The following ATP9A variants were observed in gnomAD, a reference collection of about 807,000 sequenced individuals.
The protein encoded by ATP9A is probable phospholipid-transporting ATPase IIA.
A neutral mutation model predicts 144.1 loss-of-function variants in ATP9A; 52 were observed. The ratio of observed to expected loss-of-function variants is 0.36; its 90% CI spans 0.29 to 0.45. ATP9A has a LOEUF of 0.45. Ranked by LOEUF, ATP9A falls within the 20% of genes least tolerant of loss-of-function variation. The pLI, the probability that ATP9A is intolerant of heterozygous loss-of-function variation, is 1.00. For missense variants in ATP9A, 947 were observed against 1,392.7 expected, an observed-to-expected ratio of 0.68 and a Z score of 5.09; for synonymous variants, 582 against 557.4, an observed-to-expected ratio of 1.04 and a Z score of -0.62.
rs1568797025 is a variant in ATP9A at position 51,638,074 on chromosome 20, TATATATATATATATATA to T, written c.1668+1252_1668+1268del. 7.9e-4 allele frequency among the ~76,000 whole-genome samples: 8 copies of T among 10,170 alleles called. 1 individual carries two copies. The highest frequency in any genetic ancestry group is 2.6e-3 in the African/African-American group (8 of 3,098). 6.7% of individuals were successfully genotyped at this position (10,170 alleles called of 152,430 possible). A position where few individuals can be genotyped will look rare whatever the true frequency, so the allele number is the denominator to read the frequency against. On this transcript the variant is annotated intron_variant, in intron 15 of 27. Transcript: ENST00000338821. ...GGCTAAGTAGCATTTCATCATTTTA[TATATATATATATATATA>T]TATATATATATATATATATATATAT...
intron 8 of ATP9A, among the ~76,000 whole-genome samples, chr20:51,690,069 G>A (rs182989554): frequency 1.8e-3 from 228 of 130,150 alleles, no homozygotes; most frequent in African/African-American, 6.4e-3. Flanking sequence ...CCGAGATCGC[G>A]CCACTGCACT....
chr20:51,763,211 TGGA>T (rs1235551662), intron 1 of ATP9A, among the ~76,000 whole-genome samples: 1 of 151,282 alleles, frequency 6.6e-6, no homozygotes. Context: ...GCAGATGGGC[TGGA>T]GGAGACTTTC....
In ATP9A at chr20:51,619,025, C is replaced by A; in HGVS notation, c.2134G>T (p.Ala712Ser). 1 of 1,614,096 alleles carries A rather than the reference C, an allele frequency of 6.2e-7. No homozygotes were observed. The highest frequency in any genetic ancestry group is 1.7e-4 in the Middle Eastern group (1 of 6,060). Residue 712 changes from alanine (A) to serine (S), a missense_variant, in exon 20 of 28, where the codon GCT becomes TCT. Around this residue, in one of 2 missense-constraint regions of ATP9A, gnomAD observed 770 missense variants for 1,047.9 expected, o/e 0.73. Coordinates refer to ENST00000338821, the MANE Select transcript of ATP9A (RefSeq NM_006045.3). ...VFRLVTNRGE[A>S]HLELNAFRRK... ...CGGAAGGCGTTCAGCTCGAGGTGAGCCTCCCCGCGGTTGGTCACCTGGAAG... is the reference window on the plus strand; with the variant it reads ...CGGAAGGCGTTCAGCTCGAGGTGAGACTCCCCGCGGTTGGTCACCTGGAAG...
intron 13 of ATP9A, among the ~76,000 whole-genome samples, chr20:51,663,667 G>A (rs1442633708): frequency 6.6e-6 from 1 of 151,816 alleles, no homozygotes; most frequent in South Asian, 2.1e-4. Flanking sequence ...GGTGGTAGGC[G>A]CCTGTAATCC....
intron 1 of ATP9A, among the ~76,000 whole-genome samples, chr20:51,765,719 G>T (rs2077901079): frequency 6.6e-6 from 1 of 150,832 alleles, no homozygotes; most frequent in Non-Finnish European, 1.5e-5. Context: ...ACTTTCGGAG[G>T]CCAAGGCAGG....
intron 21 of ATP9A, 104 bp downstream of exon 21, chr20:51,618,551 AGGGGCCT>A (rs934057910): frequency 5.6e-6 from 8 of 1,432,592 alleles, no homozygotes; most frequent in Non-Finnish European, 7.4e-6. Context: ...ACCTGAACAA[AGGGGCCT>A]GGGGAATTTG....
Position 51,618,708 on chromosome 20 carries a change from G to T in ATP9A, c.2304C>A (p.Ile768=), listed in dbSNP as rs561727121. The T allele has an allele frequency of 6.2e-7, 1 of 1,613,556 alleles. No homozygotes were observed. The highest frequency in any genetic ancestry group is 8.5e-7 in the Non-Finnish European group (1 of 1,179,888). Residue 768 remains isoleucine (I), a synonymous_variant, in exon 21 of 28, where the codon ATC becomes ATA. Transcript: ENST00000338821. ...CCGTGCGCTCCTGAAGCAGGCGCAC[G>T]ATCTGGGCCTTCTGGGTGGGGGCAC... ...CRCAPTQKAQ[I]VRLLQERTGK...
chr20:51,622,309 A>T (rs1200544712), intron 18 of ATP9A, 137 bp from the exon 19 acceptor site: 1 of 676,856 alleles, frequency 1.5e-6, no homozygotes, highest in Non-Finnish European at 2.6e-6. Context: ...TGCTGTCCCC[A>T]ACACAACACA....
intron 1 of ATP9A, among the ~76,000 whole-genome samples, chr20:51,748,925 A>AGATG (rs2077819507): frequency 5.8e-5 from 8 of 137,402 alleles, no homozygotes; most frequent in Non-Finnish European, 1.2e-4. Context: ...ATAGATAGAT[A>AGATG]GATAGATAGA....
At position 51,725,286 on chromosome 20, in the gene ATP9A, C is replaced by T. The variant is rs529403211; in HGVS notation, c.327+533G>A. Among the ~76,000 whole-genome samples, 5 of 152,168 alleles carry T rather than the reference C, an allele frequency of 3.3e-5. No homozygotes were observed. In the South Asian group the frequency reaches 1.0e-3, roughly 32 times the overall value. ...TACAGGCACGTCCCACCACACCCCA[C>T]TAATTTTTATATTTTTAGTAGAGAT... On this transcript the variant is annotated intron_variant, in intron 3 of 27. Transcript: ENST00000338821.
At chr20:51,688,355 G>A (rs553992507) in intron 9 of ATP9A, among the ~76,000 whole-genome samples, 4 of 152,300 alleles carry the variant, frequency 2.6e-5, no homozygotes, top group African/African-American at 9.6e-5. Context: ...CACTTAGGGA[G>A]GCTGAGGTGG....
intron 22 of ATP9A, among the ~76,000 whole-genome samples, chr20:51,615,172 C>CT (rs1362247302): frequency 6.6e-6 from 1 of 152,032 alleles, no homozygotes; most frequent in Non-Finnish European, 1.5e-5. Flanking sequence ...AGAGATCCAG[C>CT]TGAAATATTT....
intron 13 of ATP9A, among the ~76,000 whole-genome samples, chr20:51,661,526 CTTTTTT>C (rs533280164): frequency 0.44 from 47,709 of 108,766 alleles, 10,200 homozygotes; most frequent in East Asian, 0.78. Context: ...CCATGCCCAG[CTTTTTT>C]TTTTTTTTTT....
At chr20:51,663,227 T>C (rs2077418295) in intron 13 of ATP9A, among the ~76,000 whole-genome samples, 1 of 152,104 alleles carries the variant, frequency 6.6e-6, no homozygotes, top group Admixed American at 6.6e-5. Flanking sequence ...TGGGTTCTCA[T>C]TGAAAAGAAA....
At chr20:51,741,340 G>C (rs2077784542) in intron 1 of ATP9A, among the ~76,000 whole-genome samples, 1 of 152,182 alleles carries the variant, frequency 6.6e-6, no homozygotes, top group Non-Finnish European at 1.5e-5. Context: ...CAGTACTTTG[G>C]GAGGCCGAGG....
rs775691468 is a variant in ATP9A, at chr20:51,657,039, C to T, written c.1405G>A (p.Val469Met). 2 of 1,614,200 alleles carry T rather than the reference C, an allele frequency of 1.2e-6. No individual in the cohort carries two copies. Among genetic ancestry groups the T allele is most frequent in the Non-Finnish European group, 1.7e-6 (2 of 1,180,040 alleles). Residue 469 changes from valine (V) to methionine (M), a missense_variant, in exon 14 of 28, where the codon GTG becomes ATG. Transcript: ENST00000338821. ...AVKAIALCHN[V>M]TPVYESNGVT... ...CCGTTGGACTCATACACGGGAGTCA[C>T]GTTGTGGCAGAGCGCGATGGCCTTC...
At chr20:51,683,604 T>C (rs2122805647) in intron 9 of ATP9A, among the ~76,000 whole-genome samples, 1 of 152,184 alleles carries the variant, frequency 6.6e-6, no homozygotes, top group Non-Finnish European at 1.5e-5. Context: ...TTTGTAGAGA[T>C]GGGTTTTCAC....
intron 4 of ATP9A, among the ~76,000 whole-genome samples, chr20:51,700,461 G>GAGA (rs2122832755): frequency 6.6e-6 from 1 of 152,298 alleles, no homozygotes; most frequent in African/African-American, 2.4e-5. Flanking sequence ...GACCAAGGCT[G>GAGA]CTGTGAGCTG....
chr20:51,648,285 C>T (rs981213008), intron 14 of ATP9A, among the ~76,000 whole-genome samples: 2 of 152,160 alleles, frequency 1.3e-5, no homozygotes, highest in South Asian at 4.1e-4. Context: ...CTGCCCTCCC[C>T]GGCACCATGT....
Sources: allele counts gnomAD v4.1 joint callset (sites outside exome capture counted in the v4.1 genomes callset), GRCh38; gene constraint gnomAD v4.1.1; regional missense constraint gnomAD v4.1.1; transcripts MANE v1.5; gene names NCBI Gene and HGNC (gene_info 2026-07-23, HGNC 2026-07-21).